Variants in NECAB3 observed in about 807,000 individuals in gnomAD.
NECAB3 encodes the protein N-terminal EF-hand calcium-binding protein 3.
In NECAB3, 38 loss-of-function variants were observed where a neutral mutation model predicts 57.2. The ratio of observed to expected loss-of-function variants is 0.66; its 90% CI spans 0.51 to 0.87. NECAB3 has a LOEUF of 0.87. Among genes scored for constraint, NECAB3 ranks in the 40% least tolerant of loss-of-function variants. NECAB3 has a pLI of 0.00. For missense variants in NECAB3, 474 were observed against 527.5 expected (o/e 0.90, Z 0.99); for synonymous variants, 223 against 222.6 (o/e 1.00, Z -0.02).
rs147665584 is a variant in NECAB3 at position 33,664,199 on chromosome 20, G to A, written c.388-3804C>T. The A allele has an allele frequency of 1.7e-3, 504 of 303,512 alleles. 1 individual carries two copies. Among genetic ancestry groups the A allele is most frequent in the Middle Eastern group, 4.3e-3 (5 of 1,160 alleles). 18.8% of individuals were successfully genotyped at this position (303,512 alleles called of 1,614,324 possible). A position where few individuals can be genotyped will look rare whatever the true frequency, so the allele number is the denominator to read the frequency against. ...GGGAGGTGGGCTTGGGCAAACCCAGGCTTGGCCACGCTAGTGAGAGGGACC... is the reference window on the plus strand; with the variant it reads ...GGGAGGTGGGCTTGGGCAAACCCAGACTTGGCCACGCTAGTGAGAGGGACC... On this transcript the variant is annotated intron_variant, in intron 5 of 11. Transcript: ENST00000246190.
intron 5 of NECAB3, chr20:33,669,094 CATT>C: frequency 4.4e-6 from 2 of 455,888 alleles, no homozygotes; most frequent in Non-Finnish European, 7.9e-6. Flanking sequence ...GTATGCCAGA[CATT>C]ATTCTGGGTG....
intron 5 of NECAB3, among the ~76,000 whole-genome samples, chr20:33,661,510 G>A (rs2017475317): frequency 6.6e-6 from 1 of 152,198 alleles, no homozygotes; most frequent in South Asian, 2.1e-4. Flanking sequence ...TTCTCAGACA[G>A]GCCAGGGTTT....
intron 5 of NECAB3, chr20:33,663,886 GC>G (rs2017575860): frequency 7.3e-7 from 1 of 1,377,268 alleles, no homozygotes; most frequent in Admixed American, 3.8e-5. Context: ...CCCGGACCCC[GC>G]CCAATAAAGA....
intron 5 of NECAB3, chr20:33,667,636 GTGGCAGGCAGCACCC>G: frequency 6.2e-7 from 1 of 1,605,976 alleles, no homozygotes; most frequent in Non-Finnish European, 8.5e-7. Context: ...CCGACTGAAC[GTGGCAGGCAGCACCC>G]TGTCGCGCTA....
chr20:33,666,432 G>C (rs1393112733), intron 5 of NECAB3: 1 of 152,294 alleles, frequency 6.6e-6, no homozygotes, highest in Non-Finnish European at 1.5e-5. Flanking sequence ...GCTGGGGAGT[G>C]AGGTCACAAT....
intron 5 of NECAB3, chr20:33,665,685 T>A (rs1319607298): frequency 2.6e-5 from 4 of 152,248 alleles, no homozygotes; most frequent in Non-Finnish European, 5.9e-5. Context: ...AGACAAGAAG[T>A]GACCTCTTTC....
In NECAB3 at chr20:33,660,248, C is replaced by G; in HGVS notation, c.524+11G>C. 6.2e-7 allele frequency: 1 copy of G among 1,611,700 alleles called. No homozygotes were observed. Among genetic ancestry groups the G allele is most frequent in the Middle Eastern group, 1.7e-4 (1 of 6,058 alleles). On this transcript the variant is annotated intron_variant, in intron 6 of 11. Transcript: ENST00000246190. The surrounding 1 kb of genome is among the most constrained non-coding windows in gnomAD (Gnocchi z 4.1). Reference sequence around the variant, plus strand: ...GCACTAGCCCCACAGGTTGACAGCACCCTTACATACCGCCAGCCATGGGCC... The same window carrying G: ...GCACTAGCCCCACAGGTTGACAGCAGCCTTACATACCGCCAGCCATGGGCC...
At chr20:33,667,897 G>A (rs754325050) in intron 5 of NECAB3, 29 of 1,584,204 alleles carry the variant, frequency 1.8e-5, no homozygotes, top group Non-Finnish European at 2.4e-5. Context: ...GGGCCTGCTG[G>A]GCCAGGCTGA....
At chr20:33,673,495 T>C (rs1288595109) in intron 1 of NECAB3, among the ~76,000 whole-genome samples, 2 of 152,112 alleles carry the variant, frequency 1.3e-5, no homozygotes, top group East Asian at 3.9e-4. Flanking sequence ...GGTCACCCTA[T>C]TGTATCCCTG....
At chr20:33,663,962 C>A in intron 5 of NECAB3, 1 of 1,137,876 alleles carries the variant, frequency 8.8e-7, no homozygotes, top group Non-Finnish European at 1.2e-6. Flanking sequence ...TCGGGGTGGG[C>A]AAAGCTCAGC....
chr20:33,668,130 C>A (rs756215836), intron 5 of NECAB3: 20 of 1,610,758 alleles, frequency 1.2e-5, no homozygotes, highest in Admixed American at 1.7e-5. Context: ...CTGTGTGGAC[C>A]GGCGGCTCCA....
upstream of NECAB3, chr20:33,674,480 C>T (rs2017911251): frequency 1.2e-6 from 1 of 850,232 alleles, no homozygotes; most frequent in African/African-American, 1.8e-5. Context: ...CGCCCCCGCC[C>T]CGCCCCCGCG....
intron 1 of NECAB3, 56 bp from the exon 2 acceptor site, chr20:33,672,478 C>T: frequency 6.2e-7 from 1 of 1,606,568 alleles, no homozygotes; most frequent in Non-Finnish European, 8.5e-7. Context: ...AAGCCAGAGG[C>T]CCCCACTCAA....
At chr20:33,659,070 A>C (rs1351682919) in intron 8 of NECAB3, among the ~76,000 whole-genome samples, 2 of 152,130 alleles carry the variant, frequency 1.3e-5, no homozygotes, top group African/African-American at 4.8e-5. Flanking sequence ...AATTACAGGC[A>C]TGAGCCATCA....
At chr20:33,661,578 T>C (rs1423755188) in intron 5 of NECAB3, among the ~76,000 whole-genome samples, 2 of 152,216 alleles carry the variant, frequency 1.3e-5, no homozygotes, top group Admixed American at 6.5e-5. Context: ...ATGATTAGTT[T>C]CTGTTGCTTT....
Position 33,659,867 on chromosome 20 carries a change from AC to A in NECAB3, c.643+17del, listed in dbSNP as rs1255864214. 2 of 1,540,412 alleles carry A rather than the reference AC, an allele frequency of 1.3e-6. No homozygotes were observed. The highest frequency in any genetic ancestry group is 1.7e-6 in the Non-Finnish European group (2 of 1,146,298). On this transcript the variant is annotated intron_variant, in intron 7 of 11. Transcript: ENST00000246190. ...GGTGCCTGCCTCGGCCAGGCCTCCC[AC>A]CCCACCCCAGGCGCACCTGTGTCAG...
intron 5 of NECAB3, among the ~76,000 whole-genome samples, chr20:33,661,627 G>C (rs2017478359): frequency 1.3e-5 from 2 of 152,214 alleles, no homozygotes; most frequent in South Asian, 2.1e-4. Flanking sequence ...TCAGAGCCAA[G>C]CACTACTGCA....
chr20:33,674,316 G>A lies in NECAB3; in HGVS notation c.37C>T (p.Arg13Trp), dbSNP rs1027529579. 18 of 1,218,460 alleles carry A rather than the reference G, an allele frequency of 1.5e-5. No individual in the cohort carries two copies. In the Admixed American group the frequency reaches 1.7e-4, roughly 12 times the overall value. 75.5% of individuals were successfully genotyped at this position (1,218,460 alleles called of 1,614,324 possible). A position where few individuals can be genotyped will look rare whatever the true frequency, so the allele number is the denominator to read the frequency against. The change falls in exon 1 of 12, where the codon CGG (arginine) becomes TGG (tryptophan). Residue 13 changes from arginine to tryptophan, a missense_variant. Coordinates refer to ENST00000246190, the MANE Select transcript of NECAB3 (RefSeq NM_031232.4). ...CAGLLTVCLL[R>W]PPAPQPQPQT... ...GGCTGGGGCTGGGGCGCGGGCGGCCGGAGCAGGCACACGGTGAGCAGCCCC... is the reference window on the plus strand; with the variant it reads ...GGCTGGGGCTGGGGCGCGGGCGGCCAGAGCAGGCACACGGTGAGCAGCCCC...
At position 33,659,557 on chromosome 20, in the gene NECAB3, G is replaced by A. The variant is rs1390132573; in HGVS notation, c.819C>T (p.Pro273=). ...GGGGTTCCAGCCGGGGGGCCTGTGA[G>A]GGCACAGAGTGTGGGCCGGGCCTCC... ...PCWRPGPHSV[P]SQAPRLEPLR... The change falls in exon 8 of 12, where the codon CCC becomes CCT. Residue 273 remains proline (P), a synonymous_variant. Transcript: ENST00000246190. The A allele has an allele frequency of 7.0e-6, 11 of 1,570,718 alleles. No homozygotes were observed. The highest frequency in any genetic ancestry group is 9.5e-6 in the Non-Finnish European group (11 of 1,154,898).
Sources: allele counts gnomAD v4.1 joint callset (sites outside exome capture counted in the v4.1 genomes callset), GRCh38; gene constraint gnomAD v4.1.1; non-coding constraint Gnocchi (gnomAD v3.1); transcripts MANE v1.5; gene names NCBI Gene and HGNC (gene_info 2026-07-23, HGNC 2026-07-21).